The following WDR70 variants were observed in gnomAD, a reference collection of about 807,000 sequenced individuals.
The protein encoded by WDR70 is WD repeat-containing protein 70.
A neutral mutation model predicts 88.6 loss-of-function variants in WDR70; 53 were observed. The ratio of observed to expected loss-of-function variants is 0.60; its 90% CI spans 0.48 to 0.75. The LOEUF is 0.75. Among genes scored for constraint, WDR70 ranks in the 30% least tolerant of loss-of-function variants. WDR70 has a pLI of 0.00. For missense variants in WDR70, 610 were observed against 823.2 expected, an observed-to-expected ratio of 0.74 and a Z score of 3.17; for synonymous variants, 280 against 270.0, an observed-to-expected ratio of 1.04 and a Z score of -0.36.
intron 13 of WDR70, among the ~76,000 whole-genome samples, 162 bp downstream of exon 13, chr5:37,703,249 C>T (rs959644188): frequency 3.3e-5 from 5 of 152,176 alleles, no homozygotes; most frequent in African/African-American, 9.7e-5. Context: ...TTGTGGATGG[C>T]TGAGCTACCC....
chr5:37,461,105 CAAAAAA>C, intron 7 of WDR70, among the ~76,000 whole-genome samples: 1 of 62,316 alleles, frequency 1.6e-5, no homozygotes, highest in East Asian at 7.0e-4. Flanking sequence ...TTTCTAACCT[CAAAAAA>C]AAAAAAAAAA....
chr5:37,510,603 G>A (rs1466993379), intron 8 of WDR70, among the ~76,000 whole-genome samples: 1 of 152,092 alleles, frequency 6.6e-6, no homozygotes, highest in Non-Finnish European at 1.5e-5. Context: ...CTGGTGGATA[G>A]CCATGAATTT....
chr5:37,560,721 A>G (rs1418934476), intron 9 of WDR70, among the ~76,000 whole-genome samples: 1 of 152,096 alleles, frequency 6.6e-6, no homozygotes, highest in Non-Finnish European at 1.5e-5. Context: ...GACATTTGGA[A>G]TCACTGGGCC....
chr5:37,707,249 TA>T (rs1581515453), intron 13 of WDR70, among the ~76,000 whole-genome samples: 1 of 152,232 alleles, frequency 6.6e-6, no homozygotes, highest in Non-Finnish European at 1.5e-5. Context: ...TAAGCATGGT[TA>T]ATCAGGTTGT....
intron 16 of WDR70, among the ~76,000 whole-genome samples, chr5:37,725,786 C>T (rs1747954261): frequency 6.6e-6 from 1 of 152,006 alleles, no homozygotes. Context: ...TCCCTTTCTC[C>T]CACCTCACTT....
chr5:37,613,354 A>C (rs1581435973), intron 10 of WDR70, among the ~76,000 whole-genome samples: 2 of 152,252 alleles, frequency 1.3e-5, no homozygotes, highest in East Asian at 3.8e-4. Flanking sequence ...AGAGAATTAG[A>C]GAGGAGATGA....
At position 37,543,377 on chromosome 5, in the gene WDR70, TG is replaced by T. The variant is rs1478358422; in HGVS notation, c.917+26788del. 4.6e-5 allele frequency among the ~76,000 whole-genome samples: 7 copies of T among 152,302 alleles called. No homozygotes were observed. The South Asian group carries it at 8.3e-4, about 18-fold the overall frequency. On this transcript the variant is annotated intron_variant, in intron 9 of 17. Coordinates refer to ENST00000265107, the MANE Select transcript of WDR70 (RefSeq NM_018034.4). ...GTAGAAACCTGTTTATGAAGAAAAA[TG>T]TTTTTTTGTTCTTAGAAGATACCAG... is the stretch of plus-strand genomic sequence containing the variant.
chr5:37,518,583 A>G (rs1740966327), intron 9 of WDR70, among the ~76,000 whole-genome samples: 1 of 150,482 alleles, frequency 6.6e-6, no homozygotes, highest in African/African-American at 2.5e-5. Context: ...TATGTACCAC[A>G]TTTTCTTTAT....
chr5:37,406,666 G>A (rs1422566096), intron 5 of WDR70, among the ~76,000 whole-genome samples: 1 of 152,160 alleles, frequency 6.6e-6, no homozygotes, highest in African/African-American at 2.4e-5. Context: ...TTCAGTGTTA[G>A]CTATTATCAT....
At chr5:37,679,850 A>T (rs958936060) in intron 10 of WDR70, among the ~76,000 whole-genome samples, 5 of 152,252 alleles carry the variant, frequency 3.3e-5, no homozygotes, top group African/African-American at 9.6e-5. Flanking sequence ...GAGGCTGCAG[A>T]GGCAGGCAGG....
intron 8 of WDR70, chr5:37,506,223 G>C: frequency 1.0e-6 from 1 of 972,452 alleles, no homozygotes; most frequent in African/African-American, 1.6e-5. Context: ...CTTGGTTGGA[G>C]TTGCTATCAA....
rs185592448 is a variant in WDR70 at position 37,655,561 on chromosome 5, T to A, written c.1093-42094T>A. Among the ~76,000 whole-genome samples, 3 of 152,306 alleles carry A rather than the reference T, an allele frequency of 2.0e-5. No homozygotes were observed. The East Asian group carries it at 5.8e-4, about 29-fold the overall frequency. On this transcript the variant is annotated intron_variant, in intron 10 of 17. Coordinates refer to ENST00000265107, the MANE Select transcript of WDR70 (RefSeq NM_018034.4). ...AATTTGGTTCCATTCTCCCCATCAC[T>A]TTCAGGTACACCCGTCAAACGCAGA... is the stretch of plus-strand genomic sequence containing the variant.
intron 7 of WDR70, among the ~76,000 whole-genome samples, chr5:37,453,890 G>A (rs1248646309): frequency 1.3e-5 from 2 of 152,070 alleles, no homozygotes; most frequent in Non-Finnish European, 1.5e-5. Flanking sequence ...GTCAAAAGTA[G>A]CTCCTCTCCC....
intron 10 of WDR70, among the ~76,000 whole-genome samples, chr5:37,650,398 C>CA (rs1053851016): frequency 8.7e-5 from 13 of 149,244 alleles, no homozygotes; most frequent in South Asian, 2.1e-4. Context: ...GAGAGTCCGT[C>CA]AAAAAAAAGA....
At chr5:37,665,073 G>A (rs1745799647) in intron 10 of WDR70, among the ~76,000 whole-genome samples, 1 of 152,106 alleles carries the variant, frequency 6.6e-6, no homozygotes, top group Non-Finnish European at 1.5e-5. Flanking sequence ...TAGTCAAATT[G>A]TACTAAACAG....
At position 37,437,948 on chromosome 5, in the gene WDR70, G is replaced by C. The variant is rs779462796; in HGVS notation, c.519G>C (p.Ser173=). Residue 173 remains serine, a synonymous_variant, in exon 6 of 18, where the codon TCG becomes TCC. Coordinates refer to ENST00000265107, the MANE Select transcript of WDR70 (RefSeq NM_018034.4). ...ATCCTGTTCACAAGATTCCTGACTCGCATGAGATAACGCTGAAGCATGGCA... is the reference window on the plus strand; with the variant it reads ...ATCCTGTTCACAAGATTCCTGACTCCCATGAGATAACGCTGAAGCATGGCA... ...EENPVHKIPD[S]HEITLKHGTK... 6.2e-7 allele frequency: 1 copy of C among 1,608,804 alleles called. No individual in the cohort carries two copies. The highest frequency in any genetic ancestry group is 1.3e-5 in the African/African-American group (1 of 74,676).
chr5:37,695,087 G>C (rs1465815294), intron 10 of WDR70, among the ~76,000 whole-genome samples: 1 of 152,132 alleles, frequency 6.6e-6, no homozygotes, highest in Non-Finnish European at 1.5e-5. Context: ...TTGGCTTGTG[G>C]GGATGCCTCA....
At chr5:37,503,515 C>T (rs12516132) in intron 8 of WDR70, among the ~76,000 whole-genome samples, 7 of 152,206 alleles carry the variant, frequency 4.6e-5, no homozygotes, top group Middle Eastern at 3.4e-3. Flanking sequence ...TGAGAACAGG[C>T]GGTATTTGGT....
intron 16 of WDR70, among the ~76,000 whole-genome samples, chr5:37,726,620 A>G (rs180988981): frequency 1.3e-5 from 2 of 152,278 alleles, no homozygotes; most frequent in Admixed American, 1.3e-4. Context: ...ATGGCAAACT[A>G]TCTGTAATTT....
Sources: gnomAD v4.1 joint callset for allele counts (sites outside exome capture counted in the v4.1 genomes callset) on GRCh38, gnomAD v4.1.1 for gene constraint, MANE v1.5 for transcripts, NCBI Gene and HGNC (gene_info 2026-07-23, HGNC 2026-07-21) for gene names.